CCDC83: variants seen among roughly 807,000 people sequenced by gnomAD.
CCDC83 encodes the protein coiled-coil domain containing 83.
A neutral mutation model predicts 50.1 loss-of-function variants in CCDC83; 54 were observed. The observed-to-expected ratio is 1.08, with a 90% CI of 0.87 to 1.35. The LOEUF (loss-of-function observed/expected upper bound fraction) is 1.35. Among genes scored for constraint, CCDC83 ranks in the 40% most tolerant of loss-of-function variants. The pLI is 0.00. For synonymous variants in CCDC83, 161 were observed against 153.3 expected (o/e 1.05, Z -0.37); for missense variants, 518 against 473.9 (o/e 1.09, Z -0.86).
rs34372795 is a variant in CCDC83, at chr11:85,861,998, T to TAAA, written c.-28-3077_-28-3075dup. On this transcript the variant is annotated intron_variant, in intron 1 of 10. Transcript: ENST00000342404. ...GCGACGGAGCCAGACCCTGTCTCAT[T>TAAA]AAAAAAAAAAAAAAAAAAAAAAAGA... Among the ~76,000 whole-genome samples, 107 of 94,806 alleles carry TAAA rather than the reference T, an allele frequency of 1.1e-3. 2 individuals carry two copies. Among genetic ancestry groups the TAAA allele is most frequent in the African/African-American group, 2.6e-3 (52 of 20,112 alleles). The allele number at this position is 94,806 out of a possible 152,430, so 62.2% of individuals were successfully genotyped here.
At chr11:85,878,251 C>A (rs897998862) in intron 3 of CCDC83, among the ~76,000 whole-genome samples, 1 of 152,072 alleles carries the variant, frequency 6.6e-6, no homozygotes, top group Admixed American at 6.6e-5. Flanking sequence ...AGGATATTGA[C>A]AAGTTTAACA....
At chr11:85,912,582 G>T in intron 8 of CCDC83, 1 of 900,420 alleles carries the variant, frequency 1.1e-6, no homozygotes, top group South Asian at 1.3e-5. Context: ...AGGGCCCCTA[G>T]GGGTAGGTGC....
chr11:85,911,231 T>C (rs1291311597), intron 7 of CCDC83, 50 bp from the exon 8 acceptor site: 3 of 1,360,150 alleles, frequency 2.2e-6, no homozygotes, highest in East Asian at 2.7e-5. Context: ...GAAAACTTAA[T>C]AGAACTGAAT....
chr11:85,865,189 G>C lies in CCDC83; in HGVS notation c.66G>C (p.Leu22=). ...THDGPPKEIK[L]PTSEALLDYQ... is the part of the protein sequence containing the mutation. ...ACGGGCCACCAAAAGAAATTAAACT[G>C]CCTACCAGTGAAGCACTTCTAGACT... Residue 22 remains leucine, a synonymous_variant, in exon 2 of 11, where the codon CTG becomes CTC. Coordinates refer to ENST00000342404, the MANE Select transcript of CCDC83 (RefSeq NM_001286159.2). 6.2e-7 allele frequency: 1 copy of C among 1,610,186 alleles called. No individual in the cohort carries two copies. The highest frequency in any genetic ancestry group is 8.5e-7 in the Non-Finnish European group (1 of 1,176,566).
chr11:85,884,343 A>G (rs2093316108), intron 4 of CCDC83, among the ~76,000 whole-genome samples: 1 of 152,222 alleles, frequency 6.6e-6, no homozygotes, highest in Non-Finnish European at 1.5e-5. Flanking sequence ...GTGGAGCAGC[A>G]GCAAGTGCTT....
rs186410109 is a variant in CCDC83, at chr11:85,887,507, C to T, written c.511+1140C>T. ...ACCACAGTGGTGGTGTAAACTTGGCCCCATATCAGTCTGGGCATGAAGTTC... is the reference window on the plus strand; with the variant it reads ...ACCACAGTGGTGGTGTAAACTTGGCTCCATATCAGTCTGGGCATGAAGTTC... On this transcript the variant is annotated intron_variant, in intron 5 of 10. Transcript: ENST00000342404. Among the ~76,000 whole-genome samples the T allele has an allele frequency of 2.9e-3, 435 of 152,202 alleles. 2 individuals are homozygous for T. Among genetic ancestry groups the T allele is most frequent in the Non-Finnish European group, 5.3e-3 (359 of 68,014 alleles).
chr11:85,900,730 GA>G (rs1221183738), intron 7 of CCDC83, among the ~76,000 whole-genome samples: 2 of 152,124 alleles, frequency 1.3e-5, no homozygotes, highest in African/African-American at 4.8e-5. Flanking sequence ...GGAAGAAATA[GA>G]AAAAATTTAG....
At chr11:85,892,850 G>T (rs546749738) in intron 5 of CCDC83, among the ~76,000 whole-genome samples, 2 of 152,148 alleles carry the variant, frequency 1.3e-5, no homozygotes, top group Admixed American at 6.6e-5. Flanking sequence ...TAAGAAAAAC[G>T]CAGGCTGTAT....
At chr11:85,905,786 G>A (rs1363169923) in intron 7 of CCDC83, among the ~76,000 whole-genome samples, 3 of 151,134 alleles carry the variant, frequency 2.0e-5, no homozygotes, top group Non-Finnish European at 2.9e-5. Context: ...TGGCTAACAC[G>A]GTGAAACCCC....
Position 85,916,103 on chromosome 11 carries a change from T to C in CCDC83, c.950T>C (p.Leu317Ser), listed in dbSNP as rs142647186. 174 of 1,613,218 alleles carry C rather than the reference T, an allele frequency of 1.1e-4. No homozygotes were observed. In the African/African-American group the frequency reaches 1.8e-3, roughly 17 times the overall value. The change falls in exon 10 of 11, where the codon TTA (leucine) becomes TCA (serine). Residue 317 changes from leucine (L) to serine (S), a missense_variant. Physicochemically the swap from Leu to Ser is moderately radical, Grantham distance 145. Coordinates refer to ENST00000342404, the MANE Select transcript of CCDC83 (RefSeq NM_001286159.2). The part of the protein sequence containing the change: ...LMSSSDESTI[L>S]HLSHENSIED... ...TCCTCATCAGATGAGAGCACTATCT[T>C]ACATCTTAGTCATGAAAATAGCATC...
At chr11:85,890,750 A>G (rs2093347416) in intron 5 of CCDC83, among the ~76,000 whole-genome samples, 1 of 152,232 alleles carries the variant, frequency 6.6e-6, no homozygotes, top group Non-Finnish European at 1.5e-5. Flanking sequence ...CTCAAGGCAA[A>G]GAAAATGGCA....
At position 85,915,485 on chromosome 11, in the gene CCDC83, A is replaced by G. The variant is rs1441793965; in HGVS notation, c.861A>G (p.Pro287=). The G allele has an allele frequency of 2.5e-6, 4 of 1,609,814 alleles. No individual in the cohort carries two copies. Among genetic ancestry groups the G allele is most frequent in the Non-Finnish European group, 3.4e-6 (4 of 1,176,498 alleles). The change falls in exon 9 of 11, where the codon CCA becomes CCG. Residue 287 remains proline, a synonymous_variant. Transcript: ENST00000342404. ...VPPEEMSLEL[P]ETHIEEKSEL... is the part of the protein sequence containing the mutation. Reference sequence around the variant, plus strand: ...CTGAAGAAATGTCTTTGGAATTGCCAGAAACACATATAGGTATTACTTTAT... The same window carrying G: ...CTGAAGAAATGTCTTTGGAATTGCCGGAAACACATATAGGTATTACTTTAT...
intron 7 of CCDC83, among the ~76,000 whole-genome samples, chr11:85,899,965 AGAG>A (rs1219041026): frequency 6.6e-6 from 1 of 152,242 alleles, no homozygotes; most frequent in Admixed American, 6.5e-5. Flanking sequence ...AAAGAGAACA[AGAG>A]GAGTTAACTA....
intron 1 of CCDC83, among the ~76,000 whole-genome samples, chr11:85,856,173 C>G (rs1566064075): frequency 6.9e-6 from 1 of 144,944 alleles, no homozygotes; most frequent in African/African-American, 2.6e-5. Flanking sequence ...GAAAAAGTGC[C>G]CTATCTAAGC....
chr11:85,860,996 G>GA (rs895822207), intron 1 of CCDC83, among the ~76,000 whole-genome samples: 3 of 99,124 alleles, frequency 3.0e-5, no homozygotes, highest in South Asian at 5.0e-4. Context: ...AAATTGTGGG[G>GA]AAAAAAAAAA....
chr11:85,879,747 G>A (rs540254637), intron 3 of CCDC83, among the ~76,000 whole-genome samples: 1 of 152,018 alleles, frequency 6.6e-6, no homozygotes, highest in Admixed American at 6.6e-5. Context: ...AGCCTCCTCA[G>A]TAGCTGGGAT....
At chr11:85,917,162 G>GAAAGAAAGAAAGAAAGAAAGAA (rs1474775065) in intron 10 of CCDC83, among the ~76,000 whole-genome samples, 125 of 65,804 alleles carry the variant, frequency 1.9e-3, no homozygotes, top group African/African-American at 2.7e-3. Context: ...GAGAGAGAGA[G>GAAAGAAAGAAAGAAAGAAAGAA]AGAGAGAAAG....
intron 5 of CCDC83, among the ~76,000 whole-genome samples, chr11:85,886,936 T>G (rs965567435): frequency 1.3e-5 from 2 of 151,986 alleles, no homozygotes; most frequent in African/African-American, 4.8e-5. Flanking sequence ...GAATCTTCAT[T>G]CAATGGATGG....
intron 2 of CCDC83, among the ~76,000 whole-genome samples, chr11:85,866,387 G>A (rs910886259): frequency 3.9e-5 from 6 of 151,996 alleles, no homozygotes; most frequent in Non-Finnish European, 7.4e-5. Context: ...CCACTAATTT[G>A]AGCTTTAAAA....
Sources: gnomAD v4.1 joint callset for allele counts (sites outside exome capture counted in the v4.1 genomes callset) on GRCh38, gnomAD v4.1.1 for gene constraint, MANE v1.5 for transcripts, NCBI Gene and HGNC (gene_info 2026-07-23, HGNC 2026-07-21) for gene names.